MAOB: variants seen among roughly 807,000 people sequenced by gnomAD.
MAOB encodes the protein monoamine oxidase B.
In MAOB, 15 loss-of-function variants were observed where a neutral mutation model predicts 41.9. The observed-to-expected ratio is 0.36, with a 90% CI of 0.24 to 0.55. The LOEUF is 0.55. Ranked by LOEUF, MAOB falls within the 20% of genes least tolerant of loss-of-function variation. The pLI is 0.86. For synonymous variants in MAOB, 167 were observed against 144.2 expected (o/e 1.16, Z -1.13); for missense variants, 345 against 398.7 (o/e 0.87, Z 1.15).
At position 43,793,421 on chromosome X, in the gene MAOB, T is replaced by C; in HGVS notation, c.926A>G (p.Lys309Arg). The C allele has an allele frequency of 8.5e-7, 1 of 1,179,153 alleles. No individual in the cohort carries two copies. Among genetic ancestry groups the C allele is most frequent in the Admixed American group, 2.4e-5 (1 of 41,589 alleles). ...VYYKEPFWRK[K>R]DYCGTMIIDG... ...TTTTATATAAGGAAAGTACTCACCC[T>C]TTTTCCTCCAGAAAGGCTCTTTATA... Residue 309 changes from lysine to arginine, a missense_variant and splice_region_variant, in exon 8 of 15, where the codon AAG becomes AGG. Coordinates refer to ENST00000378069, the MANE Select transcript of MAOB (RefSeq NM_000898.5).
At chrX:43,831,028 T>C (rs976082507) in intron 3 of MAOB, among the ~76,000 whole-genome samples, 2 of 109,184 alleles carry the variant, frequency 1.8e-5, no homozygotes, top group African/African-American at 6.7e-5. Flanking sequence ...TGTGTGTGTG[T>C]GTGTATGTGT....
chrX:43,809,677 T>C (rs1601993646), intron 3 of MAOB, among the ~76,000 whole-genome samples: 2 of 112,008 alleles, frequency 1.8e-5, no homozygotes, highest in Non-Finnish European at 3.8e-5. Flanking sequence ...CATTTGGCCA[T>C]GATGGAAACA....
chrX:43,823,427 C>A (rs1360378288), intron 3 of MAOB, among the ~76,000 whole-genome samples: 1 of 110,593 alleles, frequency 9.0e-6, no homozygotes, highest in East Asian at 2.8e-4. Flanking sequence ...CCCGCCTGGG[C>A]CTCCCAAAGT....
At chrX:43,845,503 T>C (rs1329786809) in intron 1 of MAOB, among the ~76,000 whole-genome samples, 1 of 112,095 alleles carries the variant, frequency 8.9e-6, no homozygotes, top group East Asian at 2.8e-4. Flanking sequence ...ATTCCCATTT[T>C]ATGGCCGAGA....
chrX:43,852,004 C>G (rs1360546435), intron 1 of MAOB, among the ~76,000 whole-genome samples: 1 of 111,725 alleles, frequency 9.0e-6, no homozygotes, highest in African/African-American at 3.3e-5. Context: ...AATGAAAACA[C>G]CACCTGGTCA....
At chrX:43,817,055 C>T (rs1239579861) in intron 3 of MAOB, among the ~76,000 whole-genome samples, 4 of 109,851 alleles carry the variant, frequency 3.6e-5, no homozygotes, top group Non-Finnish European at 7.6e-5. Flanking sequence ...TCCTCTCCTC[C>T]TCCTCCTCCT....
chrX:43,771,077 T>C (rs1294689927), intron 12 of MAOB, among the ~76,000 whole-genome samples: 2 of 112,090 alleles, frequency 1.8e-5, no homozygotes, highest in Non-Finnish European at 3.8e-5. Context: ...TGGTGGGTTT[T>C]CTTTCACCTG....
intron 1 of MAOB, among the ~76,000 whole-genome samples, chrX:43,859,520 T>G (rs2035318721): frequency 8.9e-6 from 1 of 111,743 alleles, no homozygotes; most frequent in South Asian, 3.8e-4. Flanking sequence ...TCATGCCTCA[T>G]TTTTATGGAG....
At chrX:43,815,983 T>C (rs757175708) in intron 3 of MAOB, among the ~76,000 whole-genome samples, 2 of 111,949 alleles carry the variant, frequency 1.8e-5, no homozygotes, top group South Asian at 7.4e-4. Flanking sequence ...AGTAGCAATA[T>C]GGACAAAAAA....
In MAOB at chrX:43,862,766, A is replaced by G. The variant is rs138507227; in HGVS notation, c.47-19002T>C. 1.9e-3 allele frequency among the ~76,000 whole-genome samples: 211 copies of G among 111,740 alleles called. 3 individuals are homozygous for G. The South Asian group carries it at 0.039, about 21-fold the overall frequency. On this transcript the variant is annotated intron_variant, in intron 1 of 14. Coordinates refer to ENST00000378069, the MANE Select transcript of MAOB (RefSeq NM_000898.5). Reference sequence around the variant, plus strand: ...ACAGCTTGGCTAAAACATTTCTTTTATGAGTTACCTACCCAGTTCAGAAAC... The same window carrying G: ...ACAGCTTGGCTAAAACATTTCTTTTGTGAGTTACCTACCCAGTTCAGAAAC...
At chrX:43,807,363 C>T (rs761786681) in intron 3 of MAOB, among the ~76,000 whole-genome samples, 16 of 112,363 alleles carry the variant, frequency 1.4e-4, no homozygotes, top group Admixed American at 1.9e-4. Flanking sequence ...TTGACTCCAT[C>T]GTCTTCTTCC....
At chrX:43,828,891 C>T (rs1431913363) in intron 3 of MAOB, among the ~76,000 whole-genome samples, 1 of 111,942 alleles carries the variant, frequency 8.9e-6, no homozygotes, top group Non-Finnish European at 1.9e-5. Context: ...TGAGATAATG[C>T]ATATAAACTG....
chrX:43,769,206 G>T, intron 13 of MAOB, 101 bp downstream of exon 13: 2 of 1,035,758 alleles, frequency 1.9e-6, no homozygotes, highest in Non-Finnish European at 1.2e-6. Flanking sequence ...TTAAGATGGG[G>T]GTTACTGGAG....
intron 3 of MAOB, among the ~76,000 whole-genome samples, chrX:43,836,983 A>G (rs2035078947): frequency 8.9e-6 from 1 of 112,190 alleles, no homozygotes; most frequent in Admixed American, 9.5e-5. Context: ...ATGACTCAGC[A>G]ATTTCTCTCA....
intron 1 of MAOB, among the ~76,000 whole-genome samples, chrX:43,864,407 A>T (rs954419386): frequency 9.0e-6 from 1 of 111,358 alleles, no homozygotes; most frequent in Admixed American, 9.6e-5. Flanking sequence ...TTTTAGCTTC[A>T]TTGGTCTTGT....
intron 1 of MAOB, among the ~76,000 whole-genome samples, chrX:43,865,899 A>G (rs1045975478): frequency 3.5e-4 from 39 of 110,278 alleles, no homozygotes; most frequent in African/African-American, 1.2e-3. Flanking sequence ...AATGATCAAA[A>G]GTTACCTAGG....
chrX:43,824,174 TAAG>T (rs1206848016), intron 3 of MAOB, among the ~76,000 whole-genome samples: 2 of 112,543 alleles, frequency 1.8e-5, no homozygotes, highest in East Asian at 2.8e-4. Flanking sequence ...AGCAGGATCC[TAAG>T]AATACTTCAA....
intron 12 of MAOB, among the ~76,000 whole-genome samples, chrX:43,771,148 A>G (rs2034177118): frequency 8.9e-6 from 1 of 112,149 alleles, no homozygotes; most frequent in Non-Finnish European, 1.9e-5. Flanking sequence ...TATATAGAAT[A>G]CAGATGGTCT....
At chrX:43,772,950 T>C (rs2034204221) in intron 12 of MAOB, among the ~76,000 whole-genome samples, 1 of 112,240 alleles carries the variant, frequency 8.9e-6, no homozygotes, top group Admixed American at 9.5e-5. Context: ...ACTGAGCAGA[T>C]GCCAGCACCA....
Sources: allele counts gnomAD v4.1 joint callset (sites outside exome capture counted in the v4.1 genomes callset), GRCh38; gene constraint gnomAD v4.1.1; transcripts MANE v1.5; gene names NCBI Gene and HGNC (gene_info 2026-07-23, HGNC 2026-07-21).